The following KLHL4 variants were observed in gnomAD, a reference collection of about 807,000 sequenced individuals.
KLHL4 encodes the protein kelch like family member 4.
KLHL4 carries 17 observed loss-of-function variants against 45.8 expected under a neutral mutation model. The observed-to-expected ratio is 0.37, with a 90% CI of 0.25 to 0.56. KLHL4 has a LOEUF of 0.56. Among genes scored for constraint, KLHL4 ranks in the 20% least tolerant of loss-of-function variants. The pLI is 0.79. For synonymous variants in KLHL4, 224 were observed against 189.9 expected (o/e 1.18, Z -1.47); for missense variants, 544 against 544.9 (o/e 1.00, Z 0.02).
chrX:87,658,659 A>G (rs1924073300), intron 9 of KLHL4, among the ~76,000 whole-genome samples: 1 of 111,529 alleles, frequency 9.0e-6, no homozygotes, highest in Non-Finnish European at 1.9e-5. Context: ...CACCAAATTC[A>G]TCAAAGAATC....
intron 1 of KLHL4, among the ~76,000 whole-genome samples, chrX:87,606,903 A>T (rs926132537): frequency 2.7e-5 from 3 of 111,947 alleles, no homozygotes. Context: ...AATACATATA[A>T]AGCAAAAAAT....
intron 9 of KLHL4, among the ~76,000 whole-genome samples, chrX:87,644,547 A>G (rs1923568275): frequency 9.0e-6 from 1 of 111,463 alleles, no homozygotes. Context: ...CAGAATTAGA[A>G]AAAACAATTC....
chrX:87,660,226 C>T, intron 9 of KLHL4, among the ~76,000 whole-genome samples: 1 of 111,365 alleles, frequency 9.0e-6, no homozygotes, highest in Middle Eastern at 4.6e-3. Context: ...GGGTACAAGC[C>T]TGACTACCAG....
chrX:87,542,174 A>G (rs1010258458), intron 1 of KLHL4, among the ~76,000 whole-genome samples: 3 of 112,287 alleles, frequency 2.7e-5, no homozygotes, highest in Non-Finnish European at 5.6e-5. Context: ...ATGATTTGAA[A>G]TTGGAACTTA....
intron 1 of KLHL4, among the ~76,000 whole-genome samples, chrX:87,530,316 T>A (rs1455367183): frequency 3.8e-4 from 41 of 107,870 alleles, no homozygotes; most frequent in Admixed American, 7.0e-4. Flanking sequence ...CATGTGCACA[T>A]TGTGCAGGTT....
At chrX:87,595,303 A>G (rs2147802686) in intron 1 of KLHL4, among the ~76,000 whole-genome samples, 1 of 111,247 alleles carries the variant, frequency 9.0e-6, no homozygotes, top group African/African-American at 3.3e-5. Context: ...CTTCTTTATA[A>G]CTGTTGATTT....
Position 87,669,598 on chromosome X carries a change from AAG to A in KLHL4, c.*3066_*3067del. ...CTACCTTGAGATCTTAGTCTAGGTA[AAG>A]AAAAAAAAAAAAAGGTCATGAAACA... On this transcript the variant is annotated 3_prime_UTR_variant, in exon 11 of 11. Transcript: ENST00000373119. The A allele has an allele frequency of 2.8e-6, 1 of 363,077 alleles. No individual in the cohort carries two copies. The allele number at this position is 363,077 out of a possible 1,213,427, so 29.9% of individuals were successfully genotyped here.
intron 1 of KLHL4, among the ~76,000 whole-genome samples, chrX:87,574,470 C>T (rs1362232332): frequency 9.0e-6 from 1 of 111,699 alleles, no homozygotes; most frequent in African/African-American, 3.2e-5. Flanking sequence ...GAGAAACCCA[C>T]TCAGTTTGTC....
At chrX:87,552,290 A>C (rs1931846444) in intron 1 of KLHL4, among the ~76,000 whole-genome samples, 1 of 111,739 alleles carries the variant, frequency 8.9e-6, no homozygotes, top group Non-Finnish European at 1.9e-5. Context: ...CATATAAAAA[A>C]TGATCAACAC....
At chrX:87,628,089 G>A (rs756732375) in intron 6 of KLHL4, among the ~76,000 whole-genome samples, 28 of 111,639 alleles carry the variant, frequency 2.5e-4, no homozygotes, top group Non-Finnish European at 3.4e-4. Context: ...CTCACGGGAC[G>A]TTGCAGACCA....
At chrX:87,600,452 C>T (rs1192350126) in intron 1 of KLHL4, among the ~76,000 whole-genome samples, 1 of 101,722 alleles carries the variant, frequency 9.8e-6, no homozygotes, top group Non-Finnish European at 2.0e-5. Flanking sequence ...CACTGCACTC[C>T]AGCCTGGGCG....
intron 9 of KLHL4, among the ~76,000 whole-genome samples, chrX:87,641,402 C>T (rs1260735611): frequency 1.8e-5 from 2 of 112,020 alleles, no homozygotes; most frequent in African/African-American, 6.5e-5. Flanking sequence ...CTTGCTGGGT[C>T]CCCTAGCAGG....
intron 9 of KLHL4, among the ~76,000 whole-genome samples, chrX:87,654,485 GTA>G (rs1426792236): frequency 6.5e-5 from 4 of 61,416 alleles, no homozygotes; most frequent in African/African-American, 2.1e-4. Context: ...CATGGTGTAT[GTA>G]TATGTGTGTG....
Position 87,664,790 on chromosome X carries a change from C to T in KLHL4, c.1952C>T (p.Ser651Leu). Residue 651 changes from serine (S) to leucine (L), a missense_variant, in exon 10 of 11, where the codon TCA becomes TTA. Coordinates refer to ENST00000373119, the MANE Select transcript of KLHL4 (RefSeq NM_019117.5). ...ERYDPKGDSW[S>L]TVAPLSVPRD... ...TATGATCCAAAAGGTGATTCATGGT[C>T]AACTGTGGCACCTCTGAGTGTTCCT... 8.3e-7 allele frequency: 1 copy of T among 1,202,976 alleles called. No individual in the cohort carries two copies. Among genetic ancestry groups the T allele is most frequent in the Non-Finnish European group, 1.1e-6 (1 of 890,911 alleles).
chrX:87,574,158 TATATTAAA>T (rs1206593719), intron 1 of KLHL4, among the ~76,000 whole-genome samples: 1 of 111,706 alleles, frequency 9.0e-6, no homozygotes, highest in Non-Finnish European at 1.9e-5. Context: ...AAATGTAAAA[TATATTAAA>T]ACAAGTGTTG....
chrX:87,638,513 A>G (rs1338592629), intron 9 of KLHL4, among the ~76,000 whole-genome samples: 1 of 112,290 alleles, frequency 8.9e-6, no homozygotes, highest in Non-Finnish European at 1.9e-5. Context: ...AAACTCTACA[A>G]GCTAGAGGGG....
chrX:87,529,517 G>A (rs959339626), intron 1 of KLHL4, among the ~76,000 whole-genome samples: 1 of 111,585 alleles, frequency 9.0e-6, no homozygotes, highest in Non-Finnish European at 1.9e-5. Flanking sequence ...CTAGTCATGA[G>A]AACAATCAGG....
intron 1 of KLHL4, among the ~76,000 whole-genome samples, chrX:87,541,157 TAGTG>T (rs1381880528): frequency 1.8e-5 from 2 of 109,794 alleles, no homozygotes; most frequent in Non-Finnish European, 1.9e-5. Flanking sequence ...GTTCTTGTGA[TAGTG>T]AGGGTGTTCT....
At chrX:87,553,670 T>C (rs908943677) in intron 1 of KLHL4, among the ~76,000 whole-genome samples, 13 of 111,429 alleles carry the variant, frequency 1.2e-4, no homozygotes, top group African/African-American at 4.2e-4. Context: ...TGGCTAATTT[T>C]CCTGAAGATA....
Sources: gnomAD v4.1 joint callset for allele counts (sites outside exome capture counted in the v4.1 genomes callset) on GRCh38, gnomAD v4.1.1 for gene constraint, MANE v1.5 for transcripts, NCBI Gene and HGNC (gene_info 2026-07-23, HGNC 2026-07-21) for gene names.